The following COL5A2 variants were observed in gnomAD, a reference collection of about 807,000 sequenced individuals.
The protein encoded by COL5A2 is collagen type V alpha 2 chain, also known as collagen alpha-2(V) chain.
In COL5A2, 23 loss-of-function variants were observed where a neutral mutation model predicts 208.2. That is an observed-to-expected ratio of 0.11 (90% CI 0.08 to 0.16). The LOEUF is 0.16. COL5A2 is among the 10% of genes least tolerant of loss of function. COL5A2 has a pLI of 1.00. For missense variants in COL5A2, 1,590 were observed against 1,956.4 expected (o/e 0.81, Z 3.53); for synonymous variants, 625 against 628.5 (o/e 0.99, Z 0.08).
At chr2:189,349,425 A>G in the COL5A2 span, among the ~76,000 whole-genome samples, 4 of 152,190 alleles carry the variant, frequency 2.6e-5, no homozygotes, top group African/African-American at 7.2e-5. Context: ...ATCCAAGTTG[A>G]AAAGAACCAT....
chr2:189,362,000 T>C, the COL5A2 span, among the ~76,000 whole-genome samples: 2 of 152,146 alleles, frequency 1.3e-5, no homozygotes, highest in African/African-American at 4.8e-5. Context: ...TTGATTTTAA[T>C]AATTTTGCCT....
chr2:189,070,750 A>AT (rs1258688562), intron 18 of COL5A2, among the ~76,000 whole-genome samples: 2 of 152,026 alleles, frequency 1.3e-5, no homozygotes, highest in African/African-American at 2.4e-5. Context: ...GAGGGAAGGG[A>AT]TTTTGCATGT....
chr2:189,118,114 C>G (rs1364903281), intron 1 of COL5A2, among the ~76,000 whole-genome samples: 6 of 151,894 alleles, frequency 4.0e-5, no homozygotes, highest in African/African-American at 1.4e-4. Context: ...TGGGCTATTA[C>G]CTGATTTTTA....
At chr2:189,113,333 T>C (rs1041285807) in intron 1 of COL5A2, among the ~76,000 whole-genome samples, 1 of 151,802 alleles carries the variant, frequency 6.6e-6, no homozygotes, top group South Asian at 2.1e-4. Flanking sequence ...GAAGGTGAGG[T>C]AGGAGGATGA....
chr2:189,347,370 AAG>A, the COL5A2 span, among the ~76,000 whole-genome samples: 2 of 152,172 alleles, frequency 1.3e-5, no homozygotes, highest in Non-Finnish European at 2.9e-5. Flanking sequence ...AGAAAGCAGA[AAG>A]AGGGAGGTAA....
chr2:189,167,404 A>G (rs1266862458), intron 1 of COL5A2, among the ~76,000 whole-genome samples: 1 of 152,194 alleles, frequency 6.6e-6, no homozygotes, highest in Non-Finnish European at 1.5e-5. Context: ...GTCATCCTTT[A>G]CATAACAGAA....
chr2:189,032,084 G>A lies in COL5A2; in HGVS notation c.*1986C>T, dbSNP rs1685347148. 1 of 151,952 alleles carries A rather than the reference G, an allele frequency of 6.6e-6. No individual in the cohort carries two copies. The highest frequency in any genetic ancestry group is 6.6e-5 in the Admixed American group (1 of 15,228). The allele number at this position is 151,952 out of a possible 1,614,324, so 9.4% of individuals were successfully genotyped here. A position where few individuals can be genotyped will look rare whatever the true frequency, so the allele number is the denominator to read the frequency against. Reference sequence around the variant, plus strand: ...AAACAAAACTCACACATGTATTTAGGCATATAAATACTCAAATTTAAGATA... The same window carrying A: ...AAACAAAACTCACACATGTATTTAGACATATAAATACTCAAATTTAAGATA... On this transcript the variant is annotated 3_prime_UTR_variant, in exon 54 of 54. Coordinates refer to ENST00000374866, the MANE Select transcript of COL5A2 (RefSeq NM_000393.5).
chr2:189,259,469 T>C, the COL5A2 span, among the ~76,000 whole-genome samples: 1 of 152,358 alleles, frequency 6.6e-6, no homozygotes, highest in African/African-American at 2.4e-5. Flanking sequence ...GACCAAATTT[T>C]AGACTTATCC....
At chr2:189,305,895 T>C in the COL5A2 span, among the ~76,000 whole-genome samples, 2 of 152,230 alleles carry the variant, frequency 1.3e-5, no homozygotes, top group South Asian at 4.1e-4. Context: ...TCAGCACCTC[T>C]TTCTATTAGG....
chr2:189,201,322 A>T (rs1478499726), intron 1 of COL5A2, among the ~76,000 whole-genome samples: 1 of 152,114 alleles, frequency 6.6e-6, no homozygotes, highest in African/African-American at 2.4e-5. Context: ...CCATGAAATG[A>T]TACAAAATAC....
At chr2:189,139,932 G>A (rs1186894436) in intron 1 of COL5A2, among the ~76,000 whole-genome samples, 1 of 151,962 alleles carries the variant, frequency 6.6e-6, no homozygotes, top group Non-Finnish European at 1.5e-5. Context: ...AATTAGCTGG[G>A]CATGGTGGCG....
chr2:189,274,512 G>A, the COL5A2 span, among the ~76,000 whole-genome samples: 1 of 151,966 alleles, frequency 6.6e-6, no homozygotes, highest in Admixed American at 6.6e-5. Context: ...TCCCACCCTT[G>A]GTTACATGAA....
the COL5A2 span, among the ~76,000 whole-genome samples, chr2:189,410,424 G>A: frequency 1.6e-4 from 24 of 151,966 alleles, no homozygotes; most frequent in Non-Finnish European, 2.6e-4. Flanking sequence ...AAATTAGCCG[G>A]GCATGGTGGT....
chr2:189,351,449 A>G, the COL5A2 span, among the ~76,000 whole-genome samples: 1 of 152,322 alleles, frequency 6.6e-6, no homozygotes, highest in South Asian at 2.1e-4. Flanking sequence ...CCTTAAAATG[A>G]TTAGACAGTT....
intron 36 of COL5A2, 69 bp from the exon 37 acceptor site, chr2:189,054,017 C>T: frequency 1.3e-6 from 2 of 1,491,824 alleles, no homozygotes; most frequent in Non-Finnish European, 1.9e-6. Flanking sequence ...ACATTGGTCA[C>T]TGTGTAGGAG....
chr2:189,213,608 G>A (rs1307454189), intron 1 of COL5A2, among the ~76,000 whole-genome samples: 1 of 152,186 alleles, frequency 6.6e-6, no homozygotes, highest in Non-Finnish European at 1.5e-5. Flanking sequence ...GAAACTACAG[G>A]CTATGGCCTG....
the COL5A2 span, among the ~76,000 whole-genome samples, chr2:189,384,316 T>C: frequency 1.3e-5 from 2 of 151,924 alleles, no homozygotes; most frequent in Non-Finnish European, 2.9e-5. Context: ...TTTTAATTTT[T>C]TTAGAAACCT....
At chr2:189,243,505 T>C in the COL5A2 span, among the ~76,000 whole-genome samples, 2 of 152,094 alleles carry the variant, frequency 1.3e-5, no homozygotes, top group African/African-American at 2.4e-5. Context: ...TAAGACTTAT[T>C]CACTATTATG....
the COL5A2 span, among the ~76,000 whole-genome samples, chr2:189,439,925 G>A: frequency 1.3e-5 from 2 of 152,192 alleles, no homozygotes; most frequent in African/African-American, 4.8e-5. Flanking sequence ...GTCTTTAAAA[G>A]ATTTATTGTG....
Sources: allele counts gnomAD v4.1 joint callset (sites outside exome capture counted in the v4.1 genomes callset), GRCh38; gene constraint gnomAD v4.1.1; transcripts MANE v1.5; gene names NCBI Gene and HGNC (gene_info 2026-07-23, HGNC 2026-07-21).